The following NAT10 variants were observed in gnomAD, a reference collection of about 807,000 sequenced individuals.
NAT10 encodes RNA cytidine acetyltransferase.
A neutral mutation model predicts 132.2 loss-of-function variants in NAT10; 109 were observed. That is an observed-to-expected ratio of 0.82 (90% CI 0.71 to 0.97). NAT10 has a LOEUF of 0.97. Ranked by LOEUF, NAT10 falls within the 50% of genes least tolerant of loss-of-function variation. The probability of loss-of-function intolerance (pLI) is 0.00; values close to 1 mark genes in which losing one functional copy is unlikely to be tolerated. For synonymous variants in NAT10, 479 were observed against 478.0 expected, an observed-to-expected ratio of 1.00 and a Z score of -0.03; for missense variants, 1,184 against 1,263.4, an observed-to-expected ratio of 0.94 and a Z score of 0.95.
chr11:34,111,203 C>T (rs994723400), intron 3 of NAT10, among the ~76,000 whole-genome samples: 2 of 152,166 alleles, frequency 1.3e-5, no homozygotes, highest in African/African-American at 4.8e-5. Context: ...TCTGCCCCAC[C>T]CCTGTCTTAG....
At position 34,122,686 on chromosome 11, in the gene NAT10, A is replaced by G. The variant is rs1851916179; in HGVS notation, c.914+94A>G. ...CAGAGGACTGGTATCTCACGTTCCT[A>G]GTTCTGAGTTCTGAGTGGGTTCAGT... On this transcript the variant is annotated intron_variant, in intron 9 of 28. Coordinates refer to ENST00000257829, the MANE Select transcript of NAT10 (RefSeq NM_024662.3). The G allele has an allele frequency of 1.7e-5, 24 of 1,451,174 alleles. No individual in the cohort carries two copies. The South Asian group carries it at 2.9e-4, about 17-fold the overall frequency. 89.9% of individuals were successfully genotyped at this position (1,451,174 alleles called of 1,614,324 possible).
chr11:34,135,213 G>T lies in NAT10; in HGVS notation c.1950G>T (p.Met650Ile). 6.2e-7 allele frequency: 1 copy of T among 1,614,176 alleles called. No individual in the cohort carries two copies. Among genetic ancestry groups the T allele is most frequent in the Non-Finnish European group, 8.5e-7 (1 of 1,180,032 alleles). Reference sequence around the variant, plus strand: ...GCCGTGCTCTGCAGCTGCTGCAGATGTACTATGAAGGCAGGTTTCCTTGTC... The same window carrying T: ...GCCGTGCTCTGCAGCTGCTGCAGATTTACTATGAAGGCAGGTTTCCTTGTC... ...YGSRALQLLQ[M>I]YYEGRFPCLE... is the part of the protein sequence containing the mutation. Residue 650 changes from methionine (M) to isoleucine (I), a missense_variant, in exon 19 of 29, where the codon ATG (methionine) becomes ATT (isoleucine). Coordinates refer to ENST00000257829, the MANE Select transcript of NAT10 (RefSeq NM_024662.3).
At position 34,140,552 on chromosome 11, in the gene NAT10, G is replaced by T. The variant is rs1365853894; in HGVS notation, c.2572G>T (p.Ala858Ser). 4 of 1,614,042 alleles carry T rather than the reference G, an allele frequency of 2.5e-6. No individual in the cohort carries two copies. Among genetic ancestry groups the T allele is most frequent in the Admixed American group, 3.3e-5 (2 of 60,012 alleles). The part of the protein sequence containing the change: ...IYFLNQLGDL[A>S]LSAAQSALLL... ...TTTCCTGAACCAGCTGGGGGACCTG[G>T]CCCTGTCTGCGGCTCAGTCGGTATG... The change falls in exon 24 of 29, where the codon GCC (alanine) becomes TCC (serine). Residue 858 changes from alanine to serine, a missense_variant. Transcript: ENST00000257829.
intron 12 of NAT10, among the ~76,000 whole-genome samples, chr11:34,129,405 G>T (rs1256667100): frequency 3.9e-5 from 6 of 152,052 alleles, no homozygotes; most frequent in Admixed American, 3.9e-4. Context: ...TTACATGTGC[G>T]TATTGGCCAC....
intron 15 of NAT10, 118 bp downstream of exon 15, chr11:34,132,339 C>A: frequency 1.2e-6 from 1 of 820,220 alleles, no homozygotes; most frequent in Non-Finnish European, 2.1e-6. Flanking sequence ...TCCATTGGGA[C>A]ATTGATGAGT....
rs778782023 is a variant in NAT10, at chr11:34,127,542, C to CAAG, written c.1187_1188insAAG (p.Pro396_Leu397insSer). 6.2e-7 allele frequency: 1 copy of CAAG among 1,614,184 alleles called. No individual in the cohort carries two copies. The highest frequency in any genetic ancestry group is 8.5e-7 in the Non-Finnish European group (1 of 1,180,012). On this transcript the variant is annotated inframe_insertion, in exon 12 of 29. Transcript: ENST00000257829. Reference sequence around the variant, plus strand: ...GATGAAGCTGCCGCCATCCCCCTCCCCTTGGTGAAGAGCCTACTTGGCCCC... The same window carrying CAAG: ...GATGAAGCTGCCGCCATCCCCCTCCCAAGCTTGGTGAAGAGCCTACTTGGCCCC...
At chr11:34,142,052 A>T in intron 26 of NAT10, 1 of 621,486 alleles carries the variant, frequency 1.6e-6, no homozygotes, top group Non-Finnish European at 2.8e-6. Context: ...GGATTCCAGC[A>T]TCTGTTGGAA....
In NAT10 at chr11:34,132,160, A is replaced by C; in HGVS notation, c.1556A>C (p.His519Pro). 6.2e-7 allele frequency: 1 copy of C among 1,614,178 alleles called. No homozygotes were observed. Among genetic ancestry groups the C allele is most frequent in the Non-Finnish European group, 8.5e-7 (1 of 1,180,020 alleles). Residue 519 changes from histidine (H) to proline (P), a missense_variant, in exon 15 of 29, where the codon CAC (histidine) becomes CCC (proline). Transcript: ENST00000257829. ...AATAGAGATACCCTCTTTTGCTACC[A>C]CAAGGCCTCTGAAGTTTTCCTCCAA... is the stretch of plus-strand genomic sequence containing the variant. ...YVNRDTLFCYHKASEVFLQRL... is the reference protein window; with the variant it reads ...YVNRDTLFCYPKASEVFLQRL...
At chr11:34,107,843 C>T (rs991835025) in intron 1 of NAT10, among the ~76,000 whole-genome samples, 1 of 152,242 alleles carries the variant, frequency 6.6e-6, no homozygotes, top group Non-Finnish European at 1.5e-5. Context: ...CCATTGCACT[C>T]CAGCCTGGCG....
intron 28 of NAT10, among the ~76,000 whole-genome samples, chr11:34,144,074 A>G (rs1037858424): frequency 3.9e-5 from 6 of 152,102 alleles, no homozygotes; most frequent in African/African-American, 1.4e-4. Flanking sequence ...GAGTTCCTTT[A>G]TCTCTTAACA....
At chr11:34,127,694 T>C in intron 12 of NAT10, 95 bp downstream of exon 12, 3 of 1,446,784 alleles carry the variant, frequency 2.1e-6, no homozygotes, top group Non-Finnish European at 2.8e-6. Flanking sequence ...GACAGCCAAG[T>C]CTGATTCTCA....
chr11:34,113,486 A>G (rs1460501822), intron 4 of NAT10, among the ~76,000 whole-genome samples: 1 of 151,856 alleles, frequency 6.6e-6, no homozygotes, highest in African/African-American at 2.4e-5. Flanking sequence ...TTTTTGCCTT[A>G]TCACCTGGCT....
At chr11:34,137,166 A>C in intron 21 of NAT10, 140 bp downstream of exon 21, 1 of 845,212 alleles carries the variant, frequency 1.2e-6, no homozygotes, top group Non-Finnish European at 1.9e-6. Context: ...GTTTATTCTG[A>C]TGGACATGGA....
chr11:34,141,342 C>G, intron 25 of NAT10, 134 bp downstream of exon 25: 1 of 1,280,610 alleles, frequency 7.8e-7, no homozygotes, highest in Non-Finnish European at 1.1e-6. Flanking sequence ...CACACACACA[C>G]ACACAAATCC....
intron 1 of NAT10, among the ~76,000 whole-genome samples, chr11:34,106,873 A>G (rs1048450101): frequency 1.3e-5 from 2 of 152,206 alleles, no homozygotes; most frequent in African/African-American, 4.8e-5. Flanking sequence ...GTTTCAGTAA[A>G]TGAGCTTTAT....
chr11:34,129,146 C>G (rs1229890178), intron 12 of NAT10, among the ~76,000 whole-genome samples: 1 of 152,160 alleles, frequency 6.6e-6, no homozygotes, highest in Non-Finnish European at 1.5e-5. Flanking sequence ...TTTCAGTTCT[C>G]TTAGGGATAC....
chr11:34,144,898 C>T (rs1852409484), intron 28 of NAT10, among the ~76,000 whole-genome samples: 1 of 152,230 alleles, frequency 6.6e-6, no homozygotes, highest in African/African-American at 2.4e-5. Flanking sequence ...AACCTTGTGT[C>T]TCTAGGAACT....
intron 25 of NAT10, among the ~76,000 whole-genome samples, chr11:34,141,428 A>T (rs1436344987): frequency 1.3e-5 from 2 of 151,688 alleles, no homozygotes; most frequent in Non-Finnish European, 2.9e-5. Context: ...ACACACACAC[A>T]CACACACACA....
chr11:34,145,971 A>G (rs1228272204), intron 28 of NAT10, 113 bp from the exon 29 acceptor site: 5 of 721,804 alleles, frequency 6.9e-6, no homozygotes, highest in African/African-American at 1.8e-5. Context: ...GGTGGCCTAC[A>G]TCAAGTTTCA....
Sources: gnomAD v4.1 joint callset for allele counts (sites outside exome capture counted in the v4.1 genomes callset) on GRCh38, gnomAD v4.1.1 for gene constraint, MANE v1.5 for transcripts, NCBI Gene and HGNC (gene_info 2026-07-23, HGNC 2026-07-21) for gene names.